Variants in CCDC27 observed in about 807,000 individuals in gnomAD.
CCDC27 encodes the protein coiled-coil domain-containing protein 27.
Under a neutral mutation model 80.3 loss-of-function variants are expected in CCDC27, and 80 were observed. The ratio of observed to expected loss-of-function variants is 1.00; its 90% CI spans 0.83 to 1.20. The LOEUF (loss-of-function observed/expected upper bound fraction) is 1.20, where lower values mean the gene tolerates loss of function less well. CCDC27 is among the 50% of genes most tolerant of loss of function. The probability of loss-of-function intolerance (pLI) is 0.00; values close to 1 mark genes in which losing one functional copy is unlikely to be tolerated. For missense variants in CCDC27, 815 were observed against 809.4 expected (o/e 1.01, Z -0.08); for synonymous variants, 342 against 334.3 (o/e 1.02, Z -0.25).
chr1:3,763,362 G>A lies in CCDC27; in HGVS notation c.1209G>A (p.Leu403=), dbSNP rs1291382536. The A allele has an allele frequency of 6.2e-7, 1 of 1,613,006 alleles. No homozygotes were observed. The highest frequency in any genetic ancestry group is 8.5e-7 in the Non-Finnish European group (1 of 1,179,976). ...TCCCCAGGAGAAGGGCCTCCTCCCT[G>A]GCCGAGTCGTTTGAGGAGGAGCTGC... The part of the protein sequence containing the change: ...EEIPRRRASS[L]AESFEEELLA... Residue 403 remains leucine (L), a synonymous_variant, in exon 7 of 12, where the codon CTG becomes CTA. Coordinates refer to ENST00000294600, the MANE Select transcript of CCDC27 (RefSeq NM_152492.3). The surrounding 1 kb of genome is among the most constrained non-coding windows in gnomAD (Gnocchi z 7.5).
Position 3,771,420 on chromosome 1 carries a change from G to A in CCDC27, c.1868G>A (p.Ser623Asn), listed in dbSNP as rs1362877165. Residue 623 changes from serine (S) to asparagine (N), a missense_variant, in exon 12 of 12, where the codon AGC becomes AAC. Ser to Asn is a conservative substitution (Grantham distance 46). Coordinates refer to ENST00000294600, the MANE Select transcript of CCDC27 (RefSeq NM_152492.3). ...EALQRIISER[S>N]DYYNQLKQKG... Reference sequence around the variant, plus strand: ...GTGTAGAGAATTATCTCAGAGAGAAGCGACTACTATAATCAGCTGAAGCAG... The same window carrying A: ...GTGTAGAGAATTATCTCAGAGAGAAACGACTACTATAATCAGCTGAAGCAG... 2.5e-6 allele frequency: 4 copies of A among 1,614,074 alleles called. No homozygotes were observed. The East Asian group carries it at 8.9e-5, about 36-fold the overall frequency.
chr1:3,753,663 G>A (rs141370295), intron 1 of CCDC27, among the ~76,000 whole-genome samples: 196 of 152,302 alleles, frequency 1.3e-3, no homozygotes, highest in African/African-American at 4.3e-3. Context: ...GTGGGTCTGC[G>A]TGGCTCTTGC....
chr1:3,771,640 A>G lies in CCDC27; in HGVS notation c.*117A>G, dbSNP rs1643367311. The G allele has an allele frequency of 3.4e-6, 4 of 1,175,802 alleles. No individual in the cohort carries two copies. The highest frequency in any genetic ancestry group is 3.0e-4 in the Middle Eastern group (1 of 3,376). 72.8% of individuals were successfully genotyped at this position (1,175,802 alleles called of 1,614,324 possible). On this transcript the variant is annotated 3_prime_UTR_variant, in exon 12 of 12. Transcript: ENST00000294600. ...CTCAGAATTAAACCCCGGTGTTGGCACTGTCCCACCTTTTTCTTCTCTGGG... is the reference window on the plus strand; with the variant it reads ...CTCAGAATTAAACCCCGGTGTTGGCGCTGTCCCACCTTTTTCTTCTCTGGG...
intron 4 of CCDC27, among the ~76,000 whole-genome samples, chr1:3,757,392 CCT>C (rs1166846241): frequency 6.6e-6 from 1 of 151,844 alleles, no homozygotes; most frequent in African/African-American, 2.4e-5. Flanking sequence ...GAAAACAGTT[CCT>C]TTTTTCTTTT....
chr1:3,763,830 C>T lies in CCDC27; in HGVS notation c.1446C>T (p.Thr482=), dbSNP rs368196024. Residue 482 remains threonine (T), a synonymous_variant, in exon 8 of 12, where the codon ACC becomes ACT. Coordinates refer to ENST00000294600, the MANE Select transcript of CCDC27 (RefSeq NM_152492.3). This position sits in a 1 kb window ranked among gnomAD's most constrained non-coding sequence, Gnocchi z 7.5. ...GGAGGCAGCAGCTACAAGCCATGAC[C>T]GACAAGGTGGCCGTGCGCTCAGTAC... ...RERRQQLQAM[T]DKFSNLREDK... The T allele has an allele frequency of 5.5e-5, 88 of 1,613,952 alleles. No individual in the cohort carries two copies. The highest frequency in any genetic ancestry group is 3.3e-4 in the Middle Eastern group (2 of 6,044).
Position 3,770,665 on chromosome 1 carries a change from C to G in CCDC27, c.1849-736C>G, listed in dbSNP as rs532448341. On this transcript the variant is annotated intron_variant, in intron 11 of 11. Coordinates refer to ENST00000294600, the MANE Select transcript of CCDC27 (RefSeq NM_152492.3). The stretch of plus-strand genomic sequence containing the variant: ...TGCCCTTGAACCCCAGTGTGTGCCC[C>G]TGACCTTCCAGCACCCACGTTCCTG... 4.3e-4 allele frequency among the ~76,000 whole-genome samples: 65 copies of G among 152,320 alleles called. 2 individuals carry two copies. In the South Asian group the frequency reaches 0.011, roughly 25 times the overall value.
chr1:3,757,162 C>T (rs1019665969), intron 4 of CCDC27: 1 of 303,770 alleles, frequency 3.3e-6, no homozygotes, highest in Non-Finnish European at 6.2e-6. Flanking sequence ...TCTTTGCACC[C>T]ACAGTATCTG....
intron 1 of CCDC27, among the ~76,000 whole-genome samples, 184 bp from the exon 2 acceptor site, chr1:3,753,934 G>T (rs1557618826): frequency 6.6e-6 from 1 of 152,114 alleles, no homozygotes; most frequent in Non-Finnish European, 1.5e-5. Flanking sequence ...TTGTGGGCAG[G>T]TCTCTGGGGA....
At chr1:3,757,048 T>A in intron 4 of CCDC27, 158 bp downstream of exon 4, 1 of 820,030 alleles carries the variant, frequency 1.2e-6, no homozygotes, top group Non-Finnish European at 1.9e-6. Context: ...CCCCCTGCTT[T>A]GACAAAGCTC....
chr1:3,765,867 CTCCTTTT>C (rs1643215055), intron 8 of CCDC27, among the ~76,000 whole-genome samples: 1 of 133,742 alleles, frequency 7.5e-6, no homozygotes, highest in African/African-American at 3.1e-5. Flanking sequence ...CTTTTCTTTT[CTCCTTTT>C]TTTTTTTTTT....
At position 3,761,928 on chromosome 1, in the gene CCDC27, C is replaced by T. The variant is rs1420734616; in HGVS notation, c.861+498C>T. Reference sequence around the variant, plus strand: ...CCTGCCCTGGCCAGGAATCCCTTCTCCCCACTCTCTGGCTGTGAAGCCCCC... The same window carrying T: ...CCTGCCCTGGCCAGGAATCCCTTCTTCCCACTCTCTGGCTGTGAAGCCCCC... On this transcript the variant is annotated intron_variant, in intron 5 of 11. Coordinates refer to ENST00000294600, the MANE Select transcript of CCDC27 (RefSeq NM_152492.3). This position sits in a 1 kb window ranked among gnomAD's most constrained non-coding sequence, Gnocchi z 5.0. Among the ~76,000 whole-genome samples the T allele has an allele frequency of 6.6e-6, 1 of 151,878 alleles. No homozygotes were observed. Among genetic ancestry groups the T allele is most frequent in the Non-Finnish European group, 1.5e-5 (1 of 67,924 alleles).
At chr1:3,753,024 C>A (rs1279060919) in intron 1 of CCDC27, among the ~76,000 whole-genome samples, 1 of 152,246 alleles carries the variant, frequency 6.6e-6, no homozygotes, top group African/African-American at 2.4e-5. Context: ...TCCCCACATG[C>A]CACCGGCTTC....
chr1:3,770,917 C>T (rs1643345595), intron 11 of CCDC27, among the ~76,000 whole-genome samples: 1 of 152,146 alleles, frequency 6.6e-6, no homozygotes, highest in Non-Finnish European at 1.5e-5. Flanking sequence ...CATAGCCTGA[C>T]ATGAACCAGC....
Position 3,763,493 on chromosome 1 carries a change from G to C in CCDC27, c.1321+19G>C. On this transcript the variant is annotated intron_variant, in intron 7 of 11. Coordinates refer to ENST00000294600, the MANE Select transcript of CCDC27 (RefSeq NM_152492.3). The surrounding 1 kb of genome is among the most constrained non-coding windows in gnomAD (Gnocchi z 7.5). ...GCAACAGGTAGGGCCTCGGCGGGGG[G>C]CACTGGGCTTTGGCCACTCAGTGGT... The C allele has an allele frequency of 6.4e-7, 1 of 1,571,972 alleles. No homozygotes were observed. Among genetic ancestry groups the C allele is most frequent in the Non-Finnish European group, 8.6e-7 (1 of 1,159,020 alleles).
rs1267686754 is a variant in CCDC27, at chr1:3,756,826, C to T, written c.647C>T (p.Ser216Leu). 1 of 1,614,024 alleles carries T rather than the reference C, an allele frequency of 6.2e-7. No homozygotes were observed. Among genetic ancestry groups the T allele is most frequent in the South Asian group, 1.1e-5 (1 of 91,076 alleles). Residue 216 changes from serine (S) to leucine (L), a missense_variant, in exon 4 of 12, where the codon TCA (serine) becomes TTA (leucine). Transcript: ENST00000294600. The part of the protein sequence containing the change: ...SQTLSPVTSS[S>L]VASQSCLRKR... ...ACTTTGAGTCCGGTCACCAGCAGCT[C>T]AGTCGCATCTCAGAGCTGCCTGAGA...
chr1:3,769,921 C>T lies in CCDC27; in HGVS notation c.1848+34C>T, dbSNP rs570218105. On this transcript the variant is annotated intron_variant, in intron 11 of 11. Coordinates refer to ENST00000294600, the MANE Select transcript of CCDC27 (RefSeq NM_152492.3). The surrounding 1 kb of genome is among the most constrained non-coding windows in gnomAD (Gnocchi z 4.6). ...CTAAGCTCAGCTGCCTCTATCCGGG[C>T]CCCAGACCCCCAGGCCAGAGCTGTG... 50 of 1,470,598 alleles carry T rather than the reference C, an allele frequency of 3.4e-5. No homozygotes were observed. In the South Asian group the frequency reaches 4.7e-4, roughly 14 times the overall value. 91.1% of individuals were successfully genotyped at this position (1,470,598 alleles called of 1,614,324 possible).
intron 4 of CCDC27, 96 bp downstream of exon 4, chr1:3,756,986 T>C (rs1335832424): frequency 2.8e-6 from 4 of 1,422,260 alleles, no homozygotes; most frequent in Non-Finnish European, 3.8e-6. Context: ...CTGGTTCTAG[T>C]ATCTGGTTAG....
At position 3,766,526 on chromosome 1, in the gene CCDC27, T is replaced by C. The variant is rs768464465; in HGVS notation, c.1453-9T>C. 11 of 1,610,906 alleles carry C rather than the reference T, an allele frequency of 6.8e-6. No homozygotes were observed. Among genetic ancestry groups the C allele is most frequent in the Non-Finnish European group, 9.3e-6 (11 of 1,177,938 alleles). The stretch of plus-strand genomic sequence containing the variant: ...AGTCCCCCAAGCCAACCCTTCTGTC[T>C]CCTTCCAGTTCTCCAACCTCCGAGA... On this transcript the variant is annotated splice_polypyrimidine_tract_variant and intron_variant, in intron 8 of 11. Coordinates refer to ENST00000294600, the MANE Select transcript of CCDC27 (RefSeq NM_152492.3). This position sits in a 1 kb window ranked among gnomAD's most constrained non-coding sequence, Gnocchi z 6.1.
Position 3,761,208 on chromosome 1 carries a change from G to A in CCDC27, c.712-73G>A. 6.4e-7 allele frequency: 1 copy of A among 1,550,596 alleles called. No individual in the cohort carries two copies. The highest frequency in any genetic ancestry group is 1.2e-5 in the South Asian group (1 of 82,570). ...GACAGCAGATCTGCTCCTCCTGGGTGGGCTGGAGGCAGGTCAGGGGAAGAG... is the reference window on the plus strand; with the variant it reads ...GACAGCAGATCTGCTCCTCCTGGGTAGGCTGGAGGCAGGTCAGGGGAAGAG... On this transcript the variant is annotated intron_variant, in intron 4 of 11. Transcript: ENST00000294600. The surrounding 1 kb of genome is among the most constrained non-coding windows in gnomAD (Gnocchi z 5.0).
Sources: allele counts gnomAD v4.1 joint callset (sites outside exome capture counted in the v4.1 genomes callset), GRCh38; gene constraint gnomAD v4.1.1; non-coding constraint Gnocchi (gnomAD v3.1); transcripts MANE v1.5; gene names NCBI Gene and HGNC (gene_info 2026-07-23, HGNC 2026-07-21).